Variants in VILL observed in about 807,000 individuals in gnomAD.
The protein encoded by VILL is villin-like protein.
Under a neutral mutation model 106.3 loss-of-function variants are expected in VILL, and 102 were observed. That is an observed-to-expected ratio of 0.96 (90% CI 0.82 to 1.13). The LOEUF is 1.13. Ranked by LOEUF, VILL falls within the 50% of genes most tolerant of loss-of-function variation. VILL has a pLI of 0.00. For synonymous variants in VILL, 431 were observed against 440.3 expected (o/e 0.98, Z 0.27); for missense variants, 1,076 against 1,116.6 (o/e 0.96, Z 0.52).
rs753376039 is a variant in VILL at position 38,006,267 on chromosome 3, C to T, written c.2205+15C>T. 3.1e-6 allele frequency: 5 copies of T among 1,613,956 alleles called. No individual in the cohort carries two copies. In the South Asian group the frequency reaches 4.4e-5, roughly 14 times the overall value. ...AGATAACAGCAGTGAGTCCTGGGGCCCCTAGCCTTCCCCACAGTGGCCTGG... is the reference window on the plus strand; with the variant it reads ...AGATAACAGCAGTGAGTCCTGGGGCTCCTAGCCTTCCCCACAGTGGCCTGG... On this transcript the variant is annotated intron_variant, in intron 18 of 19. Coordinates refer to ENST00000383759, the MANE Select transcript of VILL (RefSeq NM_015873.4).
intron 16 of VILL, among the ~76,000 whole-genome samples, chr3:38,005,536 A>C (rs1699899186): frequency 1.3e-5 from 2 of 152,106 alleles, no homozygotes; most frequent in African/African-American, 2.4e-5. Flanking sequence ...GTATTTGTGG[A>C]TTGATCTCCA....
chr3:37,999,022 G>A lies in VILL; in HGVS notation c.1053G>A (p.Arg351=). ...TCTTCCGGACTTGGTCTGAGAAGCG[G>A]CGCAGGAACCAGAAGCTCGGCGGGA... ...KQLFRTWSEK[R]RRNQKLGGRD... is the part of the protein sequence containing the mutation. The change falls in exon 10 of 20, where the codon CGG becomes CGA. Residue 351 remains arginine, a synonymous_variant. Coordinates refer to ENST00000383759, the MANE Select transcript of VILL (RefSeq NM_015873.4). The A allele has an allele frequency of 3.1e-6, 5 of 1,595,886 alleles. No individual in the cohort carries two copies. Among genetic ancestry groups the A allele is most frequent in the Non-Finnish European group, 4.3e-6 (5 of 1,169,936 alleles).
At chr3:37,993,411 C>A in intron 1 of VILL, 176 bp from the exon 2 acceptor site, 3 of 508,484 alleles carry the variant, frequency 5.9e-6, no homozygotes, top group South Asian at 4.6e-5. Context: ...CAGAGCAAGA[C>A]CCTGTCTCGA....
chr3:37,994,091 C>T, intron 3 of VILL, 119 bp downstream of exon 3: 6 of 1,451,604 alleles, frequency 4.1e-6, no homozygotes, highest in Non-Finnish European at 5.8e-6. Context: ...AGAATCACAT[C>T]CCACAAGGGG....
At chr3:37,993,998 G>A (rs769311281) in intron 3 of VILL, 26 bp downstream of exon 3, 2 of 1,613,710 alleles carry the variant, frequency 1.2e-6, no homozygotes, top group Non-Finnish European at 1.7e-6. Flanking sequence ...AAGTCTGCCT[G>A]AGAGGGGTGG....
Position 37,998,953 on chromosome 3 carries a change from G to C in VILL, c.984G>C (p.Val328=), listed in dbSNP as rs1365632262. 5.0e-6 allele frequency: 8 copies of C among 1,610,472 alleles called. No individual in the cohort carries two copies. The highest frequency in any genetic ancestry group is 6.8e-6 in the Non-Finnish European group (8 of 1,178,492). Residue 328 remains valine (V), a synonymous_variant, in exon 10 of 20, where the codon GTG becomes GTC. Coordinates refer to ENST00000383759, the MANE Select transcript of VILL (RefSeq NM_015873.4). This position sits in a 1 kb window ranked among gnomAD's most constrained non-coding sequence, Gnocchi z 4.1. ...AGGGCTACCCGACCTACACCAACGTGGAGGTGGTGAACGACGGCGCCGAGT... is the reference window on the plus strand; with the variant it reads ...AGGGCTACCCGACCTACACCAACGTCGAGGTGGTGAACGACGGCGCCGAGT... ...QAKGYPTYTN[V]EVVNDGAESA...
At chr3:37,999,842 C>A (rs1341538318) in intron 11 of VILL, among the ~76,000 whole-genome samples, 1 of 152,248 alleles carries the variant, frequency 6.6e-6, no homozygotes, top group Non-Finnish European at 1.5e-5. Context: ...CGGTCACACA[C>A]AACCATCAAT....
chr3:37,999,544 A>C, intron 11 of VILL, 105 bp downstream of exon 11: 2 of 827,224 alleles, frequency 2.4e-6, no homozygotes, highest in East Asian at 6.0e-5. Flanking sequence ...GTGCACATCC[A>C]CACACAATCA....
Position 37,997,864 on chromosome 3 carries a change from T to C in VILL, c.764+179T>C, listed in dbSNP as rs1029835625. Among the ~76,000 whole-genome samples the C allele has an allele frequency of 2.0e-5, 3 of 152,220 alleles. No homozygotes were observed. The highest frequency in any genetic ancestry group is 4.4e-5 in the Non-Finnish European group (3 of 68,028). On this transcript the variant is annotated intron_variant, in intron 7 of 19. Coordinates refer to ENST00000383759, the MANE Select transcript of VILL (RefSeq NM_015873.4). This position sits in a 1 kb window ranked among gnomAD's most constrained non-coding sequence, Gnocchi z 4.7. ...CTTCCATGGCATGTGGCTGCCTTGC[T>C]GAGAAACCTATTGTACATACAGGGG...
chr3:37,994,119 T>G, intron 3 of VILL, 142 bp from the exon 4 acceptor site: 1 of 1,395,016 alleles, frequency 7.2e-7, no homozygotes, highest in East Asian at 2.3e-5. Context: ...CCGTTGAGGC[T>G]TCTTAGTCCT....
At chr3:38,002,677 G>A in intron 14 of VILL, 102 bp downstream of exon 14, 1 of 1,331,328 alleles carries the variant, frequency 7.5e-7, no homozygotes, top group Non-Finnish European at 1.0e-6. Context: ...TCCAGCCTCA[G>A]ATAGGCCGAT....
Position 37,997,028 on chromosome 3 carries a change from AGCGGAT to A in VILL, c.451-46_451-41del, listed in dbSNP as rs1289505545. 1.9e-6 allele frequency: 3 copies of A among 1,548,022 alleles called. No individual in the cohort carries two copies. The Admixed American group carries it at 5.0e-5, about 26-fold the overall frequency. The stretch of plus-strand genomic sequence containing the variant: ...ACACATCCCAGCTATGCTCCCCTCT[AGCGGAT>A]GCTGGTGGTATGACACTCTGTCTCT... On this transcript the variant is annotated intron_variant, in intron 5 of 19. Transcript: ENST00000383759. This position sits in a 1 kb window ranked among gnomAD's most constrained non-coding sequence, Gnocchi z 4.7.
At chr3:38,001,110 T>G (rs1699805761) in intron 11 of VILL, 2 of 519,126 alleles carry the variant, frequency 3.9e-6, no homozygotes, top group Admixed American at 2.4e-5. Context: ...TCCGCCCGGC[T>G]TCTGTTGCCC....
At chr3:38,001,958 G>T in intron 13 of VILL, 98 bp downstream of exon 13, 2 of 1,558,502 alleles carry the variant, frequency 1.3e-6, no homozygotes, top group Non-Finnish European at 1.7e-6. Context: ...TGGGCCTGGG[G>T]CCTGCTTATC....
At chr3:37,990,123 G>A (rs1699591695), upstream of VILL, among the ~76,000 whole-genome samples, 3 of 152,198 alleles carry the variant, frequency 2.0e-5, no homozygotes, top group South Asian at 2.1e-4. The surrounding 1 kb of genome is among the most constrained non-coding windows in gnomAD (Gnocchi z 5.1). Flanking sequence ...GGAAGGCTCT[G>A]TTTGCAGCCC....
Position 38,006,208 on chromosome 3 carries a change from G to T in VILL, c.2161G>T (p.Asp721Tyr), listed in dbSNP as rs776876954. ...CCACCCGTCCCACAAGGAAGTGGTG[G>T]ATGGCAGCCCGGCAGCAGCATCAAC... ...TSHPSHKEVV[D>Y]GSPAAASTIS... The change falls in exon 18 of 20, where the codon GAT becomes TAT. Residue 721 changes from aspartate (D) to tyrosine (Y), a missense_variant. Coordinates refer to ENST00000383759, the MANE Select transcript of VILL (RefSeq NM_015873.4). 2 of 1,614,222 alleles carry T rather than the reference G, an allele frequency of 1.2e-6. No individual in the cohort carries two copies. Among genetic ancestry groups the T allele is most frequent in the African/African-American group, 1.3e-5 (1 of 75,056 alleles).
At chr3:38,003,336 G>A (rs745338786) in intron 15 of VILL, 23 bp downstream of exon 15, 138 of 1,581,894 alleles carry the variant, frequency 8.7e-5, no homozygotes, top group Non-Finnish European at 1.2e-4. Flanking sequence ...GGAGGAGAGT[G>A]TTCTTACCCA....
At chr3:37,991,823 G>C (rs1415256928) in intron 1 of VILL, among the ~76,000 whole-genome samples, 2 of 151,908 alleles carry the variant, frequency 1.3e-5, no homozygotes, top group Non-Finnish European at 1.5e-5. Context: ...TGAGGAAAGA[G>C]GGCAGGAGGG....
chr3:37,998,928 A>G lies in VILL; in HGVS notation c.959A>G (p.Lys320Arg). The G allele has an allele frequency of 2.5e-6, 4 of 1,604,940 alleles. No individual in the cohort carries two copies. The highest frequency in any genetic ancestry group is 3.4e-6 in the Non-Finnish European group (4 of 1,174,652). Reference sequence around the variant, plus strand: ...CCGCCCCAGGGCTTCATCCAGGCCAAGGGCTACCCGACCTACACCAACGTG... The same window carrying G: ...CCGCCCCAGGGCTTCATCCAGGCCAGGGGCTACCCGACCTACACCAACGTG... ...FSRAVGFIQA[K>R]GYPTYTNVEV... Residue 320 changes from lysine (K) to arginine (R), a missense_variant, in exon 10 of 20, where the codon AAG becomes AGG. Coordinates refer to ENST00000383759, the MANE Select transcript of VILL (RefSeq NM_015873.4). The surrounding 1 kb of genome is among the most constrained non-coding windows in gnomAD (Gnocchi z 4.1).
Sources: gnomAD v4.1 joint callset for allele counts (sites outside exome capture counted in the v4.1 genomes callset) on GRCh38, gnomAD v4.1.1 for gene constraint, Gnocchi (gnomAD v3.1) non-coding constraint, MANE v1.5 for transcripts, NCBI Gene and HGNC (gene_info 2026-07-23, HGNC 2026-07-21) for gene names.